Variants in RB1 observed in about 807,000 individuals in gnomAD.
RB1 encodes the protein RB transcriptional corepressor 1.
A neutral mutation model predicts 135.4 loss-of-function variants in RB1; 18 were observed. The ratio of observed to expected loss-of-function variants is 0.13; its 90% confidence interval spans 0.09 to 0.20. The LOEUF (loss-of-function observed/expected upper bound fraction) is 0.20. Among genes scored for constraint, RB1 ranks in the 10% least tolerant of loss-of-function variants. RB1 has a pLI of 1.00. For missense variants in RB1, 868 were observed against 1,110.0 expected, an observed-to-expected ratio of 0.78 and a Z score of 3.10; for synonymous variants, 365 against 373.2, an observed-to-expected ratio of 0.98 and a Z score of 0.25.
intron 17 of RB1, among the ~76,000 whole-genome samples, chr13:48,388,207 A>G (rs1190669856): frequency 5.3e-5 from 8 of 152,242 alleles, no homozygotes; most frequent in Non-Finnish European, 1.2e-4. Context: ...AAGGGTAAAG[A>G]ACAGAGAGGA....
At chr13:48,477,296 A>G in intron 25 of RB1, 59 bp from the exon 26 acceptor site, 1 of 1,275,184 alleles carries the variant, frequency 7.8e-7, no homozygotes, top group South Asian at 1.2e-5. Flanking sequence ...AGTTACTGGA[A>G]ATTTGAGTTT....
Position 48,476,737 on chromosome 13 carries a change from T to G in RB1, c.2557T>G (p.Cys853Gly), listed in dbSNP as rs1295589257. Residue 853 changes from cysteine to glycine, a missense_variant, in exon 25 of 27, where the codon TGT (cysteine) becomes GGT (glycine). This residue lies in a region of RB1 where 196 missense variants were observed against 239.8 expected (regional missense o/e 0.82). Transcript: ENST00000267163. ...GTTCCAGAAAATAAATCAGATGGTATGTAACAGCGACCGTGTGCTCAAAAG... is the reference window on the plus strand; with the variant it reads ...GTTCCAGAAAATAAATCAGATGGTAGGTAACAGCGACCGTGTGCTCAAAAG... The part of the protein sequence containing the change: ...EKFQKINQMV[C>G]NSDRVLKRSA... The G allele has an allele frequency of 8.7e-6, 14 of 1,613,464 alleles. No homozygotes were observed. Among genetic ancestry groups the G allele is most frequent in the Non-Finnish European group, 1.2e-5 (14 of 1,179,528 alleles).
At chr13:48,399,214 A>T (rs1948671602) in intron 17 of RB1, among the ~76,000 whole-genome samples, 1 of 151,960 alleles carries the variant, frequency 6.6e-6, no homozygotes, top group African/African-American at 2.4e-5. Context: ...ATTGGACCTG[A>T]GGTTTTTGTT....
At chr13:48,321,272 A>G (rs1034494139) in intron 2 of RB1, among the ~76,000 whole-genome samples, 3 of 151,564 alleles carry the variant, frequency 2.0e-5, no homozygotes, top group African/African-American at 7.3e-5. Flanking sequence ...TATTCCACAT[A>G]TAAATGAGGC....
At chr13:48,395,076 C>T (rs1214966255) in intron 17 of RB1, among the ~76,000 whole-genome samples, 3 of 80,986 alleles carry the variant, frequency 3.7e-5, no homozygotes, top group Non-Finnish European at 8.4e-5. Flanking sequence ...TGCTCTTCTG[C>T]AACCTCCACT....
chr13:48,317,956 C>G (rs2854348), intron 2 of RB1: 364,331 of 427,238 alleles, frequency 0.85, 167,137 homozygotes, highest in Non-Finnish European at 0.96. Flanking sequence ...CCTTTTCCGC[C>G]AAAAACTTAC....
At chr13:48,304,122 G>C in intron 1 of RB1, 73 bp downstream of exon 1, 1 of 1,317,208 alleles carries the variant, frequency 7.6e-7, no homozygotes, top group Non-Finnish European at 9.6e-7. Context: ...GCGCCAAGGC[G>C]GCTCGGCGGG....
chr13:48,415,034 A>G lies in RB1; in HGVS notation c.1695+33591A>G, dbSNP rs576828788. ...GTTCAGTATGTTTTAAAAAAACAAA[A>G]TCTTAGTAATCTTCTTTCAAATTGA... is the stretch of plus-strand genomic sequence containing the variant. On this transcript the variant is annotated intron_variant, in intron 17 of 26. Coordinates refer to ENST00000267163, the MANE Select transcript of RB1 (RefSeq NM_000321.3). Among the ~76,000 whole-genome samples, 4 of 152,198 alleles carry G rather than the reference A, an allele frequency of 2.6e-5. No individual in the cohort carries two copies. The East Asian group carries it at 7.7e-4, about 29-fold the overall frequency.
At chr13:48,358,407 C>T (rs1399977912) in intron 6 of RB1, among the ~76,000 whole-genome samples, 1 of 151,998 alleles carries the variant, frequency 6.6e-6, no homozygotes, top group Non-Finnish European at 1.5e-5. Context: ...TAATCTGTGA[C>T]TTGTTTATGT....
chr13:48,428,918 A>G (rs1456890896), intron 17 of RB1, among the ~76,000 whole-genome samples: 3 of 152,218 alleles, frequency 2.0e-5, no homozygotes, highest in Non-Finnish European at 2.9e-5. Context: ...ATTGACTTGT[A>G]TCTTTTACCT....
intron 13 of RB1, among the ~76,000 whole-genome samples, chr13:48,378,051 A>G (rs1174713638): frequency 6.6e-6 from 1 of 152,212 alleles, no homozygotes; most frequent in African/African-American, 2.4e-5. Flanking sequence ...GCTCTGAATG[A>G]GTCAGTGAGT....
chr13:48,367,429 CCT>C (rs1355783381), intron 9 of RB1, 63 bp from the exon 10 acceptor site: 2 of 1,543,426 alleles, frequency 1.3e-6, no homozygotes, highest in African/African-American at 2.7e-5. Flanking sequence ...GAAATCTGTG[CCT>C]CTGTGTGCTG....
intron 17 of RB1, among the ~76,000 whole-genome samples, chr13:48,451,629 C>T (rs1219541870): frequency 6.6e-6 from 1 of 151,992 alleles, no homozygotes; most frequent in East Asian, 1.9e-4. Flanking sequence ...TGATGCTGGC[C>T]TCATAAAATA....
intron 6 of RB1, among the ~76,000 whole-genome samples, chr13:48,349,857 A>C (rs1273272491): frequency 6.6e-6 from 1 of 152,118 alleles, no homozygotes; most frequent in Non-Finnish European, 1.5e-5. Flanking sequence ...AATATATTCC[A>C]TGCCCACAGA....
chr13:48,460,285 T>C lies in RB1; in HGVS notation c.2106+452T>C, dbSNP rs531565171. Among the ~76,000 whole-genome samples the C allele has an allele frequency of 1.8e-4, 27 of 152,256 alleles. 2 individuals carry two copies. Among genetic ancestry groups the C allele is most frequent in the African/African-American group, 6.5e-4 (27 of 41,552 alleles). ...GCACCCAGCCTTGTTAAGTGATTTCTAAAGAAAATATTAGATTCAAATGAG... is the reference window on the plus strand; with the variant it reads ...GCACCCAGCCTTGTTAAGTGATTTCCAAAGAAAATATTAGATTCAAATGAG... On this transcript the variant is annotated intron_variant, in intron 20 of 26. Coordinates refer to ENST00000267163, the MANE Select transcript of RB1 (RefSeq NM_000321.3).
intron 11 of RB1, among the ~76,000 whole-genome samples, chr13:48,369,616 T>A (rs1049259144): frequency 2.6e-5 from 4 of 152,226 alleles, no homozygotes; most frequent in Non-Finnish European, 4.4e-5. Context: ...TTGTTTTCTT[T>A]CTCACTCTGT....
chr13:48,396,178 C>T (rs1948646587), intron 17 of RB1, among the ~76,000 whole-genome samples: 1 of 152,032 alleles, frequency 6.6e-6, no homozygotes, highest in African/African-American at 2.4e-5. Context: ...AAAAAGAGCC[C>T]ATATAGCCGA....
intron 9 of RB1, among the ~76,000 whole-genome samples, chr13:48,365,500 G>A (rs543020266): frequency 2.6e-4 from 39 of 152,158 alleles, no homozygotes; most frequent in South Asian, 1.2e-3. Context: ...GTTTTGTTTC[G>A]CATTTTGCTA....
intron 12 of RB1, among the ~76,000 whole-genome samples, chr13:48,376,653 G>A (rs4151531): frequency 6.6e-6 from 1 of 152,126 alleles, no homozygotes. Context: ...TGGATGGAAA[G>A]CTTAACAAAT....
Sources: gnomAD v4.1 joint callset for allele counts (sites outside exome capture counted in the v4.1 genomes callset) on GRCh38, gnomAD v4.1.1 for gene constraint, gnomAD v4.1.1 regional missense constraint, MANE v1.5 for transcripts, NCBI Gene and HGNC (gene_info 2026-07-23, HGNC 2026-07-21) for gene names.